The following TCERG1L variants were observed in gnomAD, a reference collection of about 807,000 sequenced individuals.
TCERG1L encodes the protein transcription elongation regulator 1 like, also known as transcription elongation regulator 1-like protein.
TCERG1L carries 37 observed loss-of-function variants against 56.3 expected under a neutral mutation model. The ratio of observed to expected loss-of-function variants is 0.66; its 90% confidence interval spans 0.51 to 0.87. TCERG1L has a LOEUF of 0.87. Among genes scored for constraint, TCERG1L ranks in the 40% least tolerant of loss-of-function variants. The pLI, the probability that TCERG1L is intolerant of heterozygous loss-of-function variation, is 0.00. For missense variants in TCERG1L, 799 were observed against 774.2 expected, an observed-to-expected ratio of 1.03 and a Z score of -0.38; for synonymous variants, 324 against 326.3, an observed-to-expected ratio of 0.99 and a Z score of 0.08.
intron 9 of TCERG1L, among the ~76,000 whole-genome samples, chr10:131,116,436 C>T (rs183577018): frequency 5.0e-4 from 76 of 152,256 alleles, no homozygotes; most frequent in Admixed American, 7.8e-4. Context: ...GTGGACCCCA[C>T]CTGCCGGCCT....
At chr10:131,250,582 C>T (rs1846098877) in intron 4 of TCERG1L, among the ~76,000 whole-genome samples, 1 of 152,150 alleles carries the variant, frequency 6.6e-6, no homozygotes, top group African/African-American at 2.4e-5. Flanking sequence ...CTGGCTGTCA[C>T]TCATCGCTTG....
intron 6 of TCERG1L, among the ~76,000 whole-genome samples, chr10:131,151,278 A>G (rs1845863255): frequency 6.6e-6 from 1 of 152,182 alleles, no homozygotes; most frequent in Admixed American, 6.5e-5. Context: ...CCTTCCACCT[A>G]TGAGACTGTA....
At chr10:131,265,087 C>G (rs896042023) in intron 3 of TCERG1L, among the ~76,000 whole-genome samples, 1 of 151,868 alleles carries the variant, frequency 6.6e-6, no homozygotes, top group Non-Finnish European at 1.5e-5. Context: ...TTAACGAACT[C>G]AATCTGTTGT....
intron 7 of TCERG1L, among the ~76,000 whole-genome samples, chr10:131,143,991 C>A (rs940949197): frequency 7.9e-5 from 12 of 152,172 alleles, no homozygotes; most frequent in Non-Finnish European, 8.8e-5. Context: ...GGAGGCGCTG[C>A]CTCCTGTCTC....
chr10:131,193,751 T>G (rs1364471574), intron 4 of TCERG1L, among the ~76,000 whole-genome samples: 1 of 152,278 alleles, frequency 6.6e-6, no homozygotes, highest in Non-Finnish European at 1.5e-5. Flanking sequence ...ATCCTTGTCA[T>G]GTAATTTGAA....
chr10:131,218,743 G>A (rs926689412), intron 4 of TCERG1L, among the ~76,000 whole-genome samples: 2 of 152,146 alleles, frequency 1.3e-5, no homozygotes, highest in Non-Finnish European at 2.9e-5. Flanking sequence ...CCTTTCCTCC[G>A]GGAAGCAGCT....
At chr10:131,171,752 G>C (rs1846094767) in intron 4 of TCERG1L, among the ~76,000 whole-genome samples, 1 of 152,136 alleles carries the variant, frequency 6.6e-6, no homozygotes, top group African/African-American at 2.4e-5. Flanking sequence ...TGTATTTTTA[G>C]TAGAGATAGG....
chr10:131,303,494 T>G (rs1654554284), intron 3 of TCERG1L, among the ~76,000 whole-genome samples: 1 of 152,098 alleles, frequency 6.6e-6, no homozygotes, highest in Non-Finnish European at 1.5e-5. Context: ...TCTTGCAGAT[T>G]TGTTTAAGTT....
chr10:131,191,113 A>T (rs991384851), intron 4 of TCERG1L, among the ~76,000 whole-genome samples: 1 of 144,294 alleles, frequency 6.9e-6, no homozygotes. Flanking sequence ...AGTATTTTTC[A>T]CAACAGCTGC....
At chr10:131,270,575 G>A (rs150040197) in intron 3 of TCERG1L, among the ~76,000 whole-genome samples, 1 of 152,228 alleles carries the variant, frequency 6.6e-6, no homozygotes, top group Non-Finnish European at 1.5e-5. Context: ...AGAGGGTGCG[G>A]AGCCAACATC....
chr10:131,281,548 G>A (rs1846454156), intron 3 of TCERG1L, among the ~76,000 whole-genome samples: 1 of 152,158 alleles, frequency 6.6e-6, no homozygotes, highest in Non-Finnish European at 1.5e-5. Flanking sequence ...TGAAGCCCAA[G>A]CCCCCAGATC....
At chr10:131,122,640 C>T (rs1028014859) in intron 8 of TCERG1L, among the ~76,000 whole-genome samples, 1 of 152,174 alleles carries the variant, frequency 6.6e-6, no homozygotes, top group Admixed American at 6.5e-5. Context: ...GCGTTGTCAC[C>T]TCGATCATAA....
At chr10:131,282,989 T>C (rs1846478566) in intron 3 of TCERG1L, among the ~76,000 whole-genome samples, 1 of 152,254 alleles carries the variant, frequency 6.6e-6, no homozygotes, top group Admixed American at 6.5e-5. Context: ...TAGGAATCTA[T>C]TGAATCTATT....
In TCERG1L at chr10:131,112,643, G is replaced by A. The variant is rs755079471; in HGVS notation, c.1395+4156C>T. Among the ~76,000 whole-genome samples, 10 of 142,172 alleles carry A rather than the reference G, an allele frequency of 7.0e-5. 3 individuals carry two copies. The highest frequency in any genetic ancestry group is 5.3e-4 in the South Asian group (2 of 3,806). The allele number at this position is 142,172 out of a possible 152,430, so 93.3% of individuals were successfully genotyped here. ...CGCGGCAGCCCAGGGTGGAATGACC[G>A]GGCTTCCACCTCATCCTTGAAGATG... is the stretch of plus-strand genomic sequence containing the variant. On this transcript the variant is annotated intron_variant, in intron 9 of 11. Coordinates refer to ENST00000368642, the MANE Select transcript of TCERG1L (RefSeq NM_174937.4).
intron 3 of TCERG1L, among the ~76,000 whole-genome samples, chr10:131,286,818 G>A (rs74327037): frequency 2.0e-5 from 3 of 152,080 alleles, no homozygotes; most frequent in South Asian, 4.1e-4. Context: ...TGAGATCTTC[G>A]CAAATGAGCT....
chr10:131,095,929 G>A (rs1354226862), intron 11 of TCERG1L, among the ~76,000 whole-genome samples: 1 of 152,140 alleles, frequency 6.6e-6, no homozygotes, highest in East Asian at 1.9e-4. Context: ...TCTTCATGAT[G>A]TATTCATGGG....
At chr10:131,140,160 C>G (rs1269782513) in intron 7 of TCERG1L, among the ~76,000 whole-genome samples, 1 of 152,220 alleles carries the variant, frequency 6.6e-6, no homozygotes, top group Non-Finnish European at 1.5e-5. Context: ...CTCTCATACG[C>G]AGAATGCACC....
chr10:131,166,967 G>T, intron 4 of TCERG1L, 82 bp from the exon 5 acceptor site: 2 of 1,294,812 alleles, frequency 1.5e-6, no homozygotes, highest in Non-Finnish European at 2.1e-6. Flanking sequence ...ACAAAAAGTG[G>T]CCCTGAAGAT....
chr10:131,124,194 G>A (rs2133395662), intron 8 of TCERG1L, among the ~76,000 whole-genome samples: 1 of 152,250 alleles, frequency 6.6e-6, no homozygotes, highest in South Asian at 2.1e-4. Flanking sequence ...CCTCTGACAG[G>A]TCTCCAAGGC....
Sources: gnomAD v4.1 joint callset for allele counts (sites outside exome capture counted in the v4.1 genomes callset) on GRCh38, gnomAD v4.1.1 for gene constraint, MANE v1.5 for transcripts, NCBI Gene and HGNC (gene_info 2026-07-23, HGNC 2026-07-21) for gene names.